Variants in PTPRD observed in about 807,000 individuals in gnomAD.
The protein encoded by PTPRD is protein tyrosine phosphatase receptor type D, also known as receptor-type tyrosine-protein phosphatase delta.
PTPRD carries 34 observed loss-of-function variants against 214.5 expected under a neutral mutation model. The observed-to-expected ratio is 0.16, with a 90% CI of 0.12 to 0.21. PTPRD has a LOEUF of 0.21. Ranked by LOEUF, PTPRD falls within the 10% of genes least tolerant of loss-of-function variation. The pLI, the probability that PTPRD is intolerant of heterozygous loss-of-function variation, is 1.00. For synonymous variants in PTPRD, 1,128 were observed against 845.7 expected (o/e 1.33, Z -5.79); for missense variants, 2,545 against 2,398.7 (o/e 1.06, Z -1.27).
chr9:9,808,078 G>T (rs76033909), intron 5 of PTPRD, among the ~76,000 whole-genome samples: 2,055 of 152,228 alleles, frequency 0.013, 34 homozygotes, highest in African/African-American at 0.046. Flanking sequence ...GAGAATATAT[G>T]AATATATGAG....
At chr9:9,908,848 T>C (rs2153822988) in intron 5 of PTPRD, among the ~76,000 whole-genome samples, 1 of 152,068 alleles carries the variant, frequency 6.6e-6, no homozygotes, top group Admixed American at 6.6e-5. Flanking sequence ...AATAAAAATA[T>C]TATTGTCTTT....
intron 11 of PTPRD, among the ~76,000 whole-genome samples, chr9:8,924,504 T>C (rs1308605909): frequency 6.6e-6 from 1 of 152,152 alleles, no homozygotes; most frequent in Non-Finnish European, 1.5e-5. Flanking sequence ...AGGCAAATAT[T>C]CTTCTTGTAA....
chr9:8,641,894 A>C (rs989588195), intron 12 of PTPRD, among the ~76,000 whole-genome samples: 2 of 152,318 alleles, frequency 1.3e-5, no homozygotes, highest in Middle Eastern at 3.4e-3. Context: ...TCTGAAGACA[A>C]GGTGATGAGC....
At chr9:9,634,197 C>A (rs2095682118) in intron 7 of PTPRD, among the ~76,000 whole-genome samples, 1 of 152,144 alleles carries the variant, frequency 6.6e-6, no homozygotes, top group East Asian at 1.9e-4. Context: ...AAACTCTGTT[C>A]AAATATGGGT....
At chr9:10,549,820 T>A (rs1566882035) in intron 2 of PTPRD, among the ~76,000 whole-genome samples, 8 of 152,160 alleles carry the variant, frequency 5.3e-5, no homozygotes. Flanking sequence ...AAAAAGATTT[T>A]TTTTTAATTT....
chr9:8,921,024 G>T (rs942439583), intron 11 of PTPRD, among the ~76,000 whole-genome samples: 2 of 152,142 alleles, frequency 1.3e-5, no homozygotes, highest in African/African-American at 4.8e-5. Context: ...ATGTTGGCCA[G>T]GCTGGTCTTG....
At chr9:10,151,071 T>TTC (rs1319506381) in intron 3 of PTPRD, among the ~76,000 whole-genome samples, 1 of 147,296 alleles carries the variant, frequency 6.8e-6, no homozygotes, top group East Asian at 2.0e-4. Context: ...TTTTTTTTTT[T>TTC]TTTTTTTGAG....
intron 30 of PTPRD, among the ~76,000 whole-genome samples, chr9:8,472,159 T>G (rs2096665326): frequency 6.6e-6 from 1 of 152,138 alleles, no homozygotes. Context: ...CAAAGCTACA[T>G]TTATCTTAAT....
Position 8,500,886 on chromosome 9 carries a change from G to C in PTPRD, c.1996C>G (p.Pro666Ala), listed in dbSNP as rs1327875256. The change falls in exon 24 of 46, where the codon CCT becomes GCT. Residue 666 changes from proline to alanine, a missense_variant. By Grantham distance (27) the Pro-to-Ala change is conservative. Coordinates refer to ENST00000381196, the MANE Select transcript of PTPRD (RefSeq NM_002839.4). ...DDKPHEILGI[P>A]SDTTKYLLEQ... ...AAAAGGTATTTGGTAGTGTCCGAAG[G>C]AATTCCCAAAATCTCGTGAGGCTTG... 2 of 1,613,998 alleles carry C rather than the reference G, an allele frequency of 1.2e-6. No homozygotes were observed. The highest frequency in any genetic ancestry group is 2.2e-5 in the East Asian group (1 of 44,890).
intron 2 of PTPRD, among the ~76,000 whole-genome samples, chr9:10,380,754 T>C (rs2097803489): frequency 6.8e-6 from 1 of 146,734 alleles, no homozygotes; most frequent in African/African-American, 2.5e-5. Context: ...TCTGCAGCCC[T>C]TGTCATCCCA....
chr9:9,130,006 G>A (rs1389778617), intron 10 of PTPRD, among the ~76,000 whole-genome samples: 2 of 152,232 alleles, frequency 1.3e-5, no homozygotes, highest in East Asian at 1.9e-4. Context: ...GCACTTAAGA[G>A]TGCCTGACAT....
chr9:10,247,511 C>A (rs968923420), intron 3 of PTPRD, among the ~76,000 whole-genome samples: 9 of 152,128 alleles, frequency 5.9e-5, no homozygotes, highest in African/African-American at 2.2e-4. Flanking sequence ...TTACCATATT[C>A]TCTAAATACT....
At chr9:8,414,928 GGGGA>G (rs1436574794) in intron 35 of PTPRD, among the ~76,000 whole-genome samples, 5,108 of 70,448 alleles carry the variant, frequency 0.073, 193 homozygotes, top group Non-Finnish European at 0.092. Context: ...AGAGAGGGAG[GGGGA>G]GAGAGAGAGA....
chr9:8,564,582 A>G (rs1386333902), intron 14 of PTPRD, among the ~76,000 whole-genome samples: 2 of 152,112 alleles, frequency 1.3e-5, no homozygotes, highest in East Asian at 3.9e-4. Context: ...CGTGCCTGTA[A>G]TCCCGCTACT....
rs546658709 is a variant in PTPRD at position 8,367,074 on chromosome 9, G to T, written c.4661+8862C>A. On this transcript the variant is annotated intron_variant, in intron 39 of 45. Coordinates refer to ENST00000381196, the MANE Select transcript of PTPRD (RefSeq NM_002839.4). Reference sequence around the variant, plus strand: ...AGAGATACCTGGAGCCAAGCGTATGGTTTGTATGGTTGGTGACCAAGGTAA... The same window carrying T: ...AGAGATACCTGGAGCCAAGCGTATGTTTTGTATGGTTGGTGACCAAGGTAA... Among the ~76,000 whole-genome samples the T allele has an allele frequency of 5.7e-4, 87 of 152,100 alleles. 1 individual carries two copies.
chr9:8,562,174 T>C (rs984742912), intron 14 of PTPRD, among the ~76,000 whole-genome samples: 7 of 152,144 alleles, frequency 4.6e-5, no homozygotes, highest in African/African-American at 7.2e-5. Context: ...GAATTTCCTA[T>C]AGGCATCAAT....
intron 12 of PTPRD, among the ~76,000 whole-genome samples, chr9:8,670,365 T>C (rs2097258520): frequency 6.6e-6 from 1 of 152,100 alleles, no homozygotes; most frequent in African/African-American, 2.4e-5. Context: ...GTGTATTACA[T>C]CCATTACACA....
Position 8,486,003 on chromosome 9 carries a change from A to G in PTPRD, c.2814T>C (p.Ser938=), listed in dbSNP as rs2135936857. The G allele has an allele frequency of 2.5e-6, 4 of 1,614,206 alleles. No individual in the cohort carries two copies. Among genetic ancestry groups the G allele is most frequent in the Non-Finnish European group, 3.4e-6 (4 of 1,180,040 alleles). ...EGTTSTSVQL[S]WQPPVLAERN... is the part of the protein sequence containing the mutation. Reference sequence around the variant, plus strand: ...TCTCTGCCAGGACAGGTGGTTGCCAAGATAACTGGACGGAGGTTGAAGTGG... The same window carrying G: ...TCTCTGCCAGGACAGGTGGTTGCCAGGATAACTGGACGGAGGTTGAAGTGG... The change falls in exon 28 of 46, where the codon TCT becomes TCC. Residue 938 remains serine (S), a synonymous_variant. Coordinates refer to ENST00000381196, the MANE Select transcript of PTPRD (RefSeq NM_002839.4).
chr9:8,677,653 CT>C (rs1488377384), intron 12 of PTPRD, among the ~76,000 whole-genome samples: 2 of 152,110 alleles, frequency 1.3e-5, no homozygotes, highest in Non-Finnish European at 2.9e-5. Flanking sequence ...ACATGTACCC[CT>C]GAAACTAAAA....
Sources: gnomAD v4.1 joint callset for allele counts (sites outside exome capture counted in the v4.1 genomes callset) on GRCh38, gnomAD v4.1.1 for gene constraint, MANE v1.5 for transcripts, NCBI Gene and HGNC (gene_info 2026-07-23, HGNC 2026-07-21) for gene names.